Variants in SCN2A observed in about 807,000 individuals in gnomAD.
SCN2A encodes sodium voltage-gated channel alpha subunit 2.
Under a neutral mutation model 188.7 loss-of-function variants are expected in SCN2A, and 20 were observed. That is an observed-to-expected ratio of 0.11 (90% confidence interval 0.07 to 0.15). SCN2A has a LOEUF of 0.15. SCN2A is among the 10% of genes least tolerant of loss of function. The pLI is 1.00. For missense variants in SCN2A, 1,278 were observed against 2,445.0 expected, an observed-to-expected ratio of 0.52 and a Z score of 10.07; for synonymous variants, 804 against 833.1, an observed-to-expected ratio of 0.97 and a Z score of 0.60.
At chr2:165,255,206 G>T (rs1031775236) in intron 1 of SCN2A, among the ~76,000 whole-genome samples, 1 of 151,736 alleles carries the variant, frequency 6.6e-6, no homozygotes, top group Non-Finnish European at 1.5e-5. Flanking sequence ...TCCCATAGGG[G>T]TATATCAACT....
intron 3 of SCN2A, among the ~76,000 whole-genome samples, chr2:165,300,061 C>A (rs572997096): frequency 2.6e-5 from 4 of 152,190 alleles, no homozygotes; most frequent in Admixed American, 1.3e-4. Context: ...ACTGAAAATT[C>A]TTTTGATGTG....
intron 14 of SCN2A, among the ~76,000 whole-genome samples, chr2:165,341,077 G>GAT (rs1241561894): frequency 1.3e-5 from 2 of 151,866 alleles, no homozygotes; most frequent in Non-Finnish European, 2.9e-5. Flanking sequence ...TGACAGTGGT[G>GAT]ATATATATAT....
At chr2:165,297,183 A>G in intron 3 of SCN2A, 48 bp downstream of exon 3, 5 of 1,130,860 alleles carry the variant, frequency 4.4e-6, no homozygotes, top group Non-Finnish European at 6.7e-6. Flanking sequence ...TCTTTGACCA[A>G]GTTATTGAGC....
intron 25 of SCN2A, among the ~76,000 whole-genome samples, chr2:165,382,057 G>A (rs1574734827): frequency 6.6e-6 from 1 of 152,164 alleles, no homozygotes. Flanking sequence ...CACAAAGGGT[G>A]TACAACTTGA....
At chr2:165,303,141 T>C (rs1302440692) in intron 3 of SCN2A, among the ~76,000 whole-genome samples, 2 of 152,222 alleles carry the variant, frequency 1.3e-5, no homozygotes, top group Non-Finnish European at 2.9e-5. Flanking sequence ...GTATGCATTT[T>C]GCTACTAGTT....
intron 23 of SCN2A, 100 bp downstream of exon 23, chr2:165,377,750 A>G: frequency 1.0e-6 from 1 of 960,872 alleles, no homozygotes; most frequent in Non-Finnish European, 1.6e-6. Flanking sequence ...TTATGTGCTT[A>G]ATTTATAAAA....
chr2:165,276,746 T>A (rs1481160433), intron 1 of SCN2A, among the ~76,000 whole-genome samples: 1 of 152,202 alleles, frequency 6.6e-6, no homozygotes, highest in Non-Finnish European at 1.5e-5. Flanking sequence ...ACTGGAAGTT[T>A]TTCATCAAGC....
chr2:165,335,887 A>G (rs1698962305), intron 14 of SCN2A, among the ~76,000 whole-genome samples: 1 of 151,924 alleles, frequency 6.6e-6, no homozygotes, highest in African/African-American at 2.4e-5. Flanking sequence ...AAGGATTATT[A>G]TAACTCCACA....
At chr2:165,263,528 G>A (rs754999989) in intron 1 of SCN2A, among the ~76,000 whole-genome samples, 7 of 151,750 alleles carry the variant, frequency 4.6e-5, no homozygotes, top group Non-Finnish European at 1.0e-4. Context: ...TGTCAAAGCT[G>A]TAAACATTGG....
chr2:165,295,166 T>A (rs1696439105), intron 1 of SCN2A, among the ~76,000 whole-genome samples: 1 of 152,180 alleles, frequency 6.6e-6, no homozygotes, highest in South Asian at 2.1e-4. Context: ...ACCAGGCATC[T>A]TCTGCTCCTT....
chr2:165,325,832 G>A (rs1223760701), intron 12 of SCN2A, among the ~76,000 whole-genome samples: 2 of 152,060 alleles, frequency 1.3e-5, no homozygotes, highest in East Asian at 3.9e-4. Flanking sequence ...CATATGCAAT[G>A]AGTGGAAATT....
Position 165,257,789 on chromosome 2 carries a change from C to T in SCN2A, c.-52+18149C>T, listed in dbSNP as rs148765155. 2.0e-5 allele frequency among the ~76,000 whole-genome samples: 3 copies of T among 152,246 alleles called. No individual in the cohort carries two copies. In the East Asian group the frequency reaches 5.8e-4, roughly 29 times the overall value. On this transcript the variant is annotated intron_variant, in intron 1 of 26. Transcript: ENST00000375437. ...CTGGCTTCAAGTGATCCACCCCCCT[C>T]GGCCTTCCAAAGTGCTGGGATAACA...
intron 13 of SCN2A, chr2:165,328,506 C>T: frequency 1.0e-6 from 1 of 985,792 alleles, no homozygotes; most frequent in African/African-American, 1.7e-5. Flanking sequence ...AGCATGTCTG[C>T]TCCCTAAAGC....
chr2:165,390,429 G>T lies in SCN2A; in HGVS notation c.*605G>T, dbSNP rs1246486272. The stretch of plus-strand genomic sequence containing the variant: ...ACATAAAAAAATCACATCACAAAAG[G>T]GAAGAGTTTACTTCTTGTTTCAGGA... On this transcript the variant is annotated 3_prime_UTR_variant, in exon 27 of 27. Coordinates refer to ENST00000375437, the MANE Select transcript of SCN2A (RefSeq NM_001040142.2). 6.6e-6 allele frequency: 1 copy of T among 152,488 alleles called. No homozygotes were observed. The highest frequency in any genetic ancestry group is 1.5e-5 in the Non-Finnish European group (1 of 68,046). 9.4% of individuals were successfully genotyped at this position (152,488 alleles called of 1,614,324 possible).
intron 1 of SCN2A, among the ~76,000 whole-genome samples, chr2:165,263,557 G>T (rs1261720026): frequency 3.3e-5 from 5 of 151,900 alleles, no homozygotes; most frequent in Non-Finnish European, 7.4e-5. Flanking sequence ...TCTGAATCCT[G>T]TATTCTGTCC....
At chr2:165,285,406 C>A in intron 1 of SCN2A, 1 of 166,398 alleles carries the variant, frequency 6.0e-6, no homozygotes, top group East Asian at 1.7e-4. Context: ...TGGTCATCCT[C>A]TTCCCTGGCT....
intron 16 of SCN2A, among the ~76,000 whole-genome samples, chr2:165,347,065 C>T (rs1699628794): frequency 6.6e-6 from 1 of 152,124 alleles, no homozygotes. Context: ...CCAGAAATAC[C>T]ATTTGACCCA....
Position 165,308,712 on chromosome 2 carries a change from C to T in SCN2A, c.523C>T (p.Leu175Phe). 6.2e-7 allele frequency: 1 copy of T among 1,612,406 alleles called. No individual in the cohort carries two copies. The highest frequency in any genetic ancestry group is 8.5e-7 in the Non-Finnish European group (1 of 1,178,720). ...TACTTTTGAATCACTTATTAAAATA[C>T]TTGCAAGGGGCTTTTGTTTAGAAGA... is the stretch of plus-strand genomic sequence containing the variant. ...IYTFESLIKI[L>F]ARGFCLEDFT... Residue 175 changes from leucine (L) to phenylalanine (F), a missense_variant, in exon 5 of 27, where the codon CTT (leucine) becomes TTT (phenylalanine). Coordinates refer to ENST00000375437, the MANE Select transcript of SCN2A (RefSeq NM_001040142.2).
At chr2:165,387,144 A>G in intron 26 of SCN2A, 128 bp downstream of exon 26, 1 of 977,118 alleles carries the variant, frequency 1.0e-6, no homozygotes, top group Middle Eastern at 3.1e-4. Flanking sequence ...CTAATAGTCC[A>G]TTGTTTTAGT....
Sources: gnomAD v4.1 joint callset for allele counts (sites outside exome capture counted in the v4.1 genomes callset) on GRCh38, gnomAD v4.1.1 for gene constraint, MANE v1.5 for transcripts, NCBI Gene and HGNC (gene_info 2026-07-23, HGNC 2026-07-21) for gene names.